The following CRYZL1 variants were observed in gnomAD, a reference collection of about 807,000 sequenced individuals.
CRYZL1 encodes the protein crystallin zeta like 1, also known as ferry endosomal RAB5 effector complex subunit 4.
In CRYZL1, 34 loss-of-function variants were observed where a neutral mutation model predicts 50.6. That is an observed-to-expected ratio of 0.67 (90% CI 0.51 to 0.89). CRYZL1 has a LOEUF of 0.89. Among genes scored for constraint, CRYZL1 ranks in the 40% least tolerant of loss-of-function variants. The pLI, the probability that CRYZL1 is intolerant of heterozygous loss-of-function variation, is 0.00. For synonymous variants in CRYZL1, 125 were observed against 134.3 expected (o/e 0.93, Z 0.48); for missense variants, 354 against 402.3 (o/e 0.88, Z 1.03).
intron 2 of CRYZL1, among the ~76,000 whole-genome samples, chr21:33,629,228 AAACAAC>A (rs574242137): frequency 1.3e-5 from 2 of 151,914 alleles, no homozygotes; most frequent in Admixed American, 6.6e-5. Flanking sequence ...CTGTCTCAAA[AAACAAC>A]AACAACAACA....
chr21:33,598,912 G>C (rs893145606), intron 9 of CRYZL1, among the ~76,000 whole-genome samples: 12 of 150,304 alleles, frequency 8.0e-5, no homozygotes, highest in African/African-American at 2.0e-4. Context: ...CCAAAAGATT[G>C]GACACCCCTA....
chr21:33,601,178 C>G (rs1226967272), intron 8 of CRYZL1, among the ~76,000 whole-genome samples: 1 of 151,534 alleles, frequency 6.6e-6, no homozygotes, highest in Non-Finnish European at 1.5e-5. Context: ...CTCAAGTGAT[C>G]CACCCGCCTC....
At position 33,630,974 on chromosome 21, in the gene CRYZL1, G is replaced by A. The variant is rs75853734; in HGVS notation, c.66+512C>T. Among the ~76,000 whole-genome samples, 1,425 of 152,282 alleles carry A rather than the reference G, an allele frequency of 9.4e-3. 30 individuals carry two copies. Among genetic ancestry groups the A allele is most frequent in the African/African-American group, 0.033 (1,389 of 41,546 alleles). ...GCATAGACGTAGAGAGTCCAATAAT[G>A]GTTATTAGAGGCTGGGGAGATTAAA... On this transcript the variant is annotated intron_variant, in intron 2 of 12. Coordinates refer to ENST00000381554, the MANE Select transcript of CRYZL1 (RefSeq NM_145858.3).
At chr21:33,595,598 A>C (rs1265743440) in intron 11 of CRYZL1, 133 bp downstream of exon 11, 1 of 1,430,158 alleles carries the variant, frequency 7.0e-7, no homozygotes, top group East Asian at 2.5e-5. Flanking sequence ...GAATACTTGC[A>C]AGGCACTTGG....
chr21:33,606,918 G>C (rs2086820842), intron 6 of CRYZL1, among the ~76,000 whole-genome samples: 1 of 152,144 alleles, frequency 6.6e-6, no homozygotes, highest in Non-Finnish European at 1.5e-5. Context: ...GGCTGAGGCA[G>C]GAGAATCACT....
intron 11 of CRYZL1, chr21:33,594,526 T>C (rs1169116893): frequency 6.6e-6 from 1 of 152,100 alleles, no homozygotes; most frequent in Non-Finnish European, 1.5e-5. Context: ...ATTTTCAAAT[T>C]TAATAGGAAA....
intron 11 of CRYZL1, among the ~76,000 whole-genome samples, chr21:33,592,918 G>A (rs2086657795): frequency 1.3e-5 from 2 of 151,986 alleles, no homozygotes; most frequent in Non-Finnish European, 2.9e-5. Context: ...TGGGCATGGT[G>A]GCATGCGCCT....
chr21:33,614,685 C>T (rs1361128550), intron 5 of CRYZL1, among the ~76,000 whole-genome samples: 2 of 152,122 alleles, frequency 1.3e-5, no homozygotes, highest in Non-Finnish European at 2.9e-5. Flanking sequence ...GATTCTCCTG[C>T]CTCAGCCTCC....
At chr21:33,599,020 A>T in intron 9 of CRYZL1, 130 bp downstream of exon 9, 1 of 788,396 alleles carries the variant, frequency 1.3e-6, no homozygotes, top group Non-Finnish European at 2.0e-6. Flanking sequence ...GTCTTCAGTT[A>T]AAAACAAAAC....
intron 1 of CRYZL1, 150 bp from the exon 2 acceptor site, chr21:33,631,707 G>A (rs1290849297): frequency 4.6e-6 from 2 of 432,340 alleles, no homozygotes; most frequent in Non-Finnish European, 7.6e-6. Flanking sequence ...TTCACAAAGT[G>A]ATCAAATAAG....
intron 7 of CRYZL1, 54 bp from the exon 8 acceptor site, chr21:33,602,399 CGAATT>C (rs1245667244): frequency 2.8e-6 from 2 of 713,272 alleles, no homozygotes; most frequent in African/African-American, 3.5e-5. Flanking sequence ...GAGGCCATAT[CGAATT>C]GATTTCTTTA....
At chr21:33,640,017 G>A in intron 1 of CRYZL1, 1 of 693,036 alleles carries the variant, frequency 1.4e-6, no homozygotes, top group Non-Finnish European at 2.2e-6. Flanking sequence ...GTAGACACGG[G>A]GTTTCACCAT....
chr21:33,636,893 G>A (rs563572456), intron 1 of CRYZL1, among the ~76,000 whole-genome samples: 2 of 152,030 alleles, frequency 1.3e-5, no homozygotes, highest in African/African-American at 2.4e-5. Context: ...TGCAAGCTCC[G>A]CCTCCGGGGT....
intron 11 of CRYZL1, chr21:33,595,338 T>C (rs1313991349): frequency 2.4e-6 from 3 of 1,226,574 alleles, no homozygotes; most frequent in East Asian, 1.1e-4. Context: ...GGCACCATCA[T>C]AGGAGTAAGT....
At chr21:33,599,308 T>C (rs2086727399) in intron 8 of CRYZL1, 60 bp from the exon 9 acceptor site, 2 of 1,609,856 alleles carry the variant, frequency 1.2e-6, no homozygotes, top group African/African-American at 2.7e-5. Context: ...CACAAACAAA[T>C]CAGGGAAAAA....
intron 2 of CRYZL1, among the ~76,000 whole-genome samples, chr21:33,626,705 A>G (rs2087068877): frequency 6.6e-6 from 1 of 151,958 alleles, no homozygotes; most frequent in Non-Finnish European, 1.5e-5. Context: ...TCAAAAAAAA[A>G]AAAAAAGAAA....
chr21:33,639,261 C>T (rs764065682), intron 1 of CRYZL1, among the ~76,000 whole-genome samples: 2 of 152,088 alleles, frequency 1.3e-5, no homozygotes, highest in African/African-American at 2.4e-5. Flanking sequence ...GGGTTGGAGA[C>T]GTGGGATGGT....
intron 2 of CRYZL1, among the ~76,000 whole-genome samples, chr21:33,628,113 T>C (rs140426421): frequency 1.2e-4 from 18 of 152,322 alleles, no homozygotes; most frequent in Non-Finnish European, 2.4e-4. Flanking sequence ...TCGGAATACA[T>C]TGGGTTACTT....
In CRYZL1 at chr21:33,602,338, C is replaced by T; in HGVS notation, c.473G>A (p.Gly158Asp). 2 of 1,578,190 alleles carry T rather than the reference C, an allele frequency of 1.3e-6. No individual in the cohort carries two copies. Among genetic ancestry groups the T allele is most frequent in the Non-Finnish European group, 1.7e-6 (2 of 1,147,576 alleles). The change falls in exon 8 of 13, where the codon GGT becomes GAT. Residue 158 changes from glycine to aspartate, a missense_variant. Coordinates refer to ENST00000381554, the MANE Select transcript of CRYZL1 (RefSeq NM_145858.3). The part of the protein sequence containing the change: ...VLIMDGASAF[G>D]TIAIQLAHHR... Reference sequence around the variant, plus strand: ...ATGTGCTAACTGAATAGCTATTGTACCAAATGCCTGTGTAGAAAAAAATAT... The same window carrying T: ...ATGTGCTAACTGAATAGCTATTGTATCAAATGCCTGTGTAGAAAAAAATAT...
Sources: allele counts gnomAD v4.1 joint callset (sites outside exome capture counted in the v4.1 genomes callset), GRCh38; gene constraint gnomAD v4.1.1; transcripts MANE v1.5; gene names NCBI Gene and HGNC (gene_info 2026-07-23, HGNC 2026-07-21).